LSM14A: variants seen among roughly 807,000 people sequenced by gnomAD.
LSM14A encodes LSM14A mRNA processing body assembly factor.
A neutral mutation model predicts 52.4 loss-of-function variants in LSM14A; 14 were observed. The observed-to-expected ratio is 0.27, with a 90% CI of 0.18 to 0.42. LSM14A has a LOEUF of 0.42. Among genes scored for constraint, LSM14A ranks in the 10% least tolerant of loss-of-function variants. The pLI, the probability that LSM14A is intolerant of heterozygous loss-of-function variation, is 1.00. For synonymous variants in LSM14A, 185 were observed against 200.3 expected (o/e 0.92, Z 0.64); for missense variants, 417 against 581.8 (o/e 0.72, Z 2.91).
chr19:34,178,239 A>G (rs879785731), intron 1 of LSM14A, among the ~76,000 whole-genome samples: 6 of 152,062 alleles, frequency 3.9e-5, no homozygotes, highest in African/African-American at 1.4e-4. Context: ...AAGTTATCAC[A>G]CCACATAATC....
At chr19:34,221,480 G>A (rs781473759) in intron 8 of LSM14A, 27 bp from the exon 9 acceptor site, 1 of 1,602,390 alleles carries the variant, frequency 6.2e-7, no homozygotes, top group Non-Finnish European at 8.5e-7. Flanking sequence ...AACCTGATAT[G>A]CTGAAGATTA....
chr19:34,219,645 G>T, intron 7 of LSM14A, 61 bp from the exon 8 acceptor site: 9 of 1,564,364 alleles, frequency 5.8e-6, no homozygotes, highest in Non-Finnish European at 7.8e-6. Flanking sequence ...CTCAGATTAG[G>T]TGTTTTTATG....
intron 9 of LSM14A, among the ~76,000 whole-genome samples, chr19:34,226,676 A>G (rs1249695809): frequency 6.6e-6 from 1 of 152,208 alleles, no homozygotes. Context: ...AATCAGCAGT[A>G]AAAACCAGGT....
rs538635463 is a variant in LSM14A at position 34,210,461 on chromosome 19, G to T, written c.538+1410G>T. ...ATTTTTTTGTATTTTTGGTAGAGAT[G>T]TGGTTTCGTGATGTTGGCCAGGCTG... On this transcript the variant is annotated intron_variant, in intron 4 of 9. Coordinates refer to ENST00000544216, the MANE Select transcript of LSM14A (RefSeq NM_015578.4). 3.2e-3 allele frequency among the ~76,000 whole-genome samples: 480 copies of T among 152,224 alleles called. 2 individuals carry two copies. Among genetic ancestry groups the T allele is most frequent in the Non-Finnish European group, 5.5e-3 (376 of 68,004 alleles).
intron 1 of LSM14A, among the ~76,000 whole-genome samples, chr19:34,194,173 A>G (rs2070675055): frequency 1.3e-5 from 2 of 152,208 alleles, no homozygotes; most frequent in South Asian, 2.1e-4. Context: ...AGTCTCATCA[A>G]TAAATAAATA....
rs140071470 is a variant in LSM14A at position 34,190,864 on chromosome 19, T to C, written c.122-3614T>C. Among the ~76,000 whole-genome samples, 30 of 152,272 alleles carry C rather than the reference T, an allele frequency of 2.0e-4. No homozygotes were observed. In the East Asian group the frequency reaches 5.6e-3, roughly 28 times the overall value. On this transcript the variant is annotated intron_variant, in intron 1 of 9. Coordinates refer to ENST00000544216, the MANE Select transcript of LSM14A (RefSeq NM_015578.4). ...TACCAAAGCATAAGTCTCTGTGGCT[T>C]GTAGTGGTCTGTTTTTTGTTTGTTT...
At chr19:34,198,452 A>G (rs1054668088) in intron 3 of LSM14A, among the ~76,000 whole-genome samples, 12 of 152,074 alleles carry the variant, frequency 7.9e-5, no homozygotes, top group African/African-American at 2.9e-4. Flanking sequence ...CATCTCTACT[A>G]AAAATACAAA....
rs144873573 is a variant in LSM14A at position 34,199,393 on chromosome 19, A to T, written c.415+2630A>T. Among the ~76,000 whole-genome samples the T allele has an allele frequency of 2.0e-4, 31 of 152,262 alleles. No individual in the cohort carries two copies. In the East Asian group the frequency reaches 3.7e-3, roughly 18 times the overall value. ...TGATCCGCCCATCTTGGCCTCCAAA[A>T]GTGTTGGGATTACAGGTGTGAGCCA... is the stretch of plus-strand genomic sequence containing the variant. On this transcript the variant is annotated intron_variant, in intron 3 of 9. Coordinates refer to ENST00000544216, the MANE Select transcript of LSM14A (RefSeq NM_015578.4).
At chr19:34,221,852 C>G in intron 9 of LSM14A, 114 bp downstream of exon 9, 1 of 1,449,958 alleles carries the variant, frequency 6.9e-7, no homozygotes, top group South Asian at 1.5e-5. Flanking sequence ...AGAATAACTT[C>G]CATTTTGACT....
In LSM14A at chr19:34,189,145, G is replaced by A. The variant is rs960155899; in HGVS notation, c.122-5333G>A. Among the ~76,000 whole-genome samples the A allele has an allele frequency of 3.9e-5, 6 of 152,178 alleles. No individual in the cohort carries two copies. In the East Asian group the frequency reaches 7.7e-4, roughly 20 times the overall value. The stretch of plus-strand genomic sequence containing the variant: ...AAGCCTGCTGAATCACTACATTTTC[G>A]TTAATTCATGATAATCCCCAAAATA... On this transcript the variant is annotated intron_variant, in intron 1 of 9. Transcript: ENST00000544216.
At chr19:34,192,328 T>TTTG in intron 1 of LSM14A, among the ~76,000 whole-genome samples, 1 of 126,648 alleles carries the variant, frequency 7.9e-6, no homozygotes, top group Non-Finnish European at 1.7e-5. Context: ...TGTTTTTTTT[T>TTTG]TTTTTTTTTT....
At chr19:34,224,111 C>T (rs1293231283) in intron 9 of LSM14A, among the ~76,000 whole-genome samples, 1 of 151,760 alleles carries the variant, frequency 6.6e-6, no homozygotes, top group African/African-American at 2.4e-5. Context: ...GGCGGATCAC[C>T]TGAGGTCAGG....
intron 1 of LSM14A, among the ~76,000 whole-genome samples, chr19:34,188,466 T>A (rs142716059): frequency 6.6e-6 from 1 of 152,190 alleles, no homozygotes; most frequent in African/African-American, 2.4e-5. Flanking sequence ...AGTTGAAAAT[T>A]CACATTACAT....
chr19:34,209,375 A>G (rs1239185793), intron 4 of LSM14A, among the ~76,000 whole-genome samples: 2 of 152,230 alleles, frequency 1.3e-5, no homozygotes, highest in African/African-American at 2.4e-5. Flanking sequence ...AAGTTGAGCT[A>G]TCCAAGATGA....
At chr19:34,192,319 G>GGTTTTTTTTTTT (rs2070450450) in intron 1 of LSM14A, among the ~76,000 whole-genome samples, 1 of 53,410 alleles carries the variant, frequency 1.9e-5, no homozygotes, top group African/African-American at 8.1e-5. Flanking sequence ...TCTTTTTGTT[G>GGTTTTTTTTTTT]TTTTTTTTTT....
At chr19:34,183,105 A>G (rs1382632794) in intron 1 of LSM14A, among the ~76,000 whole-genome samples, 9 of 152,212 alleles carry the variant, frequency 5.9e-5, no homozygotes, top group Admixed American at 5.9e-4. Context: ...TAAAATATAA[A>G]AACAGCCATA....
intron 6 of LSM14A, among the ~76,000 whole-genome samples, chr19:34,218,038 C>CT (rs2072790963): frequency 7.2e-6 from 1 of 138,148 alleles, no homozygotes; most frequent in African/African-American, 2.7e-5. Flanking sequence ...GAATCTCGCT[C>CT]TGTCACCCAG....
At chr19:34,172,903 C>T (rs573978884) in intron 1 of LSM14A, 140 bp downstream of exon 1, 262 of 1,070,878 alleles carry the variant, frequency 2.4e-4, no homozygotes, top group Non-Finnish European at 3.2e-4. Context: ...TCTCCGGGCC[C>T]CGGCGTCGCG....
intron 1 of LSM14A, among the ~76,000 whole-genome samples, chr19:34,187,128 A>G (rs935555226): frequency 6.6e-6 from 1 of 151,686 alleles, no homozygotes; most frequent in East Asian, 2.0e-4. Context: ...GCACACCTGT[A>G]GTTCCAGTTA....
Sources: allele counts gnomAD v4.1 joint callset (sites outside exome capture counted in the v4.1 genomes callset), GRCh38; gene constraint gnomAD v4.1.1; transcripts MANE v1.5; gene names NCBI Gene and HGNC (gene_info 2026-07-23, HGNC 2026-07-21).